MYO18B: variants seen among roughly 807,000 people sequenced by gnomAD.
MYO18B encodes myosin XVIIIB.
MYO18B carries 204 observed loss-of-function variants against 273.0 expected under a neutral mutation model. That is an observed-to-expected ratio of 0.75 (90% CI 0.67 to 0.84). The LOEUF is 0.84. MYO18B is among the 40% of genes least tolerant of loss of function. MYO18B has a pLI of 0.00. For synonymous variants in MYO18B, 1,330 were observed against 1,305.7 expected (o/e 1.02, Z -0.40); for missense variants, 3,212 against 3,287.6 (o/e 0.98, Z 0.56).
At chr22:26,009,676 A>G (rs1231818882) in intron 42 of MYO18B, among the ~76,000 whole-genome samples, 1 of 152,064 alleles carries the variant, frequency 6.6e-6, no homozygotes, top group Non-Finnish European at 1.5e-5. Context: ...ATGGAACTCT[A>G]TCTGCTTGGC....
In MYO18B at chr22:25,761,077, C is replaced by G. The variant is rs748377933; in HGVS notation, c.-16C>G. On this transcript the variant is annotated 5_prime_UTR_variant, in exon 2 of 44. Transcript: ENST00000335473. ...CATCTCATCTCATCATCTCACGGCC[C>G]TGGCACTGCCTCAGCATGGCCATCT... is the stretch of plus-strand genomic sequence containing the variant. 4 of 1,613,408 alleles carry G rather than the reference C, an allele frequency of 2.5e-6. No homozygotes were observed. In the South Asian group the frequency reaches 4.4e-5, roughly 18 times the overall value.
intron 21 of MYO18B, among the ~76,000 whole-genome samples, chr22:25,862,382 T>G (rs183201886): frequency 2.8e-4 from 43 of 152,308 alleles, no homozygotes; most frequent in African/African-American, 9.9e-4. Flanking sequence ...ATGAAGATTT[T>G]TACATTTTCC....
intron 34 of MYO18B, among the ~76,000 whole-genome samples, chr22:25,944,724 G>A (rs1238666026): frequency 1.3e-5 from 2 of 151,986 alleles, no homozygotes; most frequent in South Asian, 4.2e-4. Context: ...GCAGGCGCCT[G>A]TAGTCCCAGC....
intron 42 of MYO18B, among the ~76,000 whole-genome samples, chr22:26,006,748 G>A (rs1490563597): frequency 6.6e-6 from 1 of 152,126 alleles, no homozygotes; most frequent in African/African-American, 2.4e-5. Context: ...AATCATGATT[G>A]TTGTCAGGGG....
chr22:26,049,002 A>G, the MYO18B span, among the ~76,000 whole-genome samples: 1 of 152,194 alleles, frequency 6.6e-6, no homozygotes, highest in African/African-American at 2.4e-5. Context: ...CTGTGCAACA[A>G]ACTCCCATGA....
chr22:25,968,277 GC>G (rs2093000111), intron 39 of MYO18B, among the ~76,000 whole-genome samples: 1 of 152,194 alleles, frequency 6.6e-6, no homozygotes, highest in South Asian at 2.1e-4. Context: ...TGGGGTACAT[GC>G]CCAGCCCTGA....
chr22:26,058,140 C>G, the MYO18B span, among the ~76,000 whole-genome samples: 114 of 152,294 alleles, frequency 7.5e-4, 1 homozygote, highest in African/African-American at 2.6e-3. Context: ...AATGCTATCA[C>G]TTTCAGAAAA....
chr22:25,985,876 C>T (rs2093196941), intron 39 of MYO18B, among the ~76,000 whole-genome samples: 1 of 152,156 alleles, frequency 6.6e-6, no homozygotes, highest in Admixed American at 6.5e-5. Flanking sequence ...AAATGATCCA[C>T]CCTCCTCGGC....
Position 25,891,389 on chromosome 22 carries a change from T to C in MYO18B, c.4520T>C (p.Leu1507Ser), listed in dbSNP as rs1406981300. 1 of 1,582,788 alleles carries C rather than the reference T, an allele frequency of 6.3e-7. No homozygotes were observed. The highest frequency in any genetic ancestry group is 8.6e-7 in the Non-Finnish European group (1 of 1,164,070). The stretch of plus-strand genomic sequence containing the variant: ...CAGCAGAAAATTCAGTTGAATGACT[T>C]GGAAAGGAATCCCACTGGAGGAGGT... ...EAQQKIQLND[L>S]ERNPTGGADE... The change falls in exon 27 of 44, where the codon TTG becomes TCG. Residue 1507 changes from leucine (L) to serine (S), a missense_variant. Coordinates refer to ENST00000335473, the MANE Select transcript of MYO18B (RefSeq NM_032608.7).
At chr22:25,796,789 G>A (rs1180220463) in intron 11 of MYO18B, among the ~76,000 whole-genome samples, 1 of 152,138 alleles carries the variant, frequency 6.6e-6, no homozygotes, top group African/African-American at 2.4e-5. Flanking sequence ...CAGGAATATC[G>A]TGGGGGCACG....
At position 25,823,643 on chromosome 22, in the gene MYO18B, G is replaced by A; in HGVS notation, c.2660G>A (p.Ser887Asn). The A allele has an allele frequency of 6.2e-7, 1 of 1,613,990 alleles. No homozygotes were observed. The highest frequency in any genetic ancestry group is 8.5e-7 in the Non-Finnish European group (1 of 1,179,884). ...ATCCAGCAAATGACGTTTGGGCCAA[G>A]CCGATGGGGCCTCGAGGATGAGGAA... is the stretch of plus-strand genomic sequence containing the variant. ...QIIQQMTFGP[S>N]RWGLEDEETS... is the part of the protein sequence containing the mutation. The change falls in exon 13 of 44, where the codon AGC becomes AAC. Residue 887 changes from serine (S) to asparagine (N), a missense_variant. Coordinates refer to ENST00000335473, the MANE Select transcript of MYO18B (RefSeq NM_032608.7).
intron 31 of MYO18B, among the ~76,000 whole-genome samples, chr22:25,904,606 C>T (rs1006635712): frequency 6.6e-6 from 1 of 152,246 alleles, no homozygotes. Flanking sequence ...GGGAATAAGA[C>T]AAAAATATCA....
intron 39 of MYO18B, among the ~76,000 whole-genome samples, chr22:25,968,346 T>A (rs1336448783): frequency 6.6e-6 from 1 of 152,090 alleles, no homozygotes; most frequent in Non-Finnish European, 1.5e-5. Context: ...GAAGAATAGA[T>A]TCCCCCAAGG....
chr22:25,891,372 A>G lies in MYO18B; in HGVS notation c.4503A>G (p.Lys1501=). 1.9e-6 allele frequency: 3 copies of G among 1,585,654 alleles called. No homozygotes were observed. Among genetic ancestry groups the G allele is most frequent in the Non-Finnish European group, 2.6e-6 (3 of 1,165,734 alleles). ...AACAGTTGGAAGAAGCCCAGCAGAAAATTCAGTTGAATGACTTGGAAAGGA... is the reference window on the plus strand; with the variant it reads ...AACAGTTGGAAGAAGCCCAGCAGAAGATTCAGTTGAATGACTTGGAAAGGA... The part of the protein sequence containing the change: ...VNKQLEEAQQ[K]IQLNDLERNP... The change falls in exon 27 of 44, where the codon AAA becomes AAG. Residue 1501 remains lysine, a synonymous_variant. Coordinates refer to ENST00000335473, the MANE Select transcript of MYO18B (RefSeq NM_032608.7).
intron 36 of MYO18B, among the ~76,000 whole-genome samples, chr22:25,948,128 ACTTTTCCAC>A (rs545992351): frequency 1.3e-5 from 2 of 152,040 alleles, no homozygotes; most frequent in South Asian, 2.1e-4. Flanking sequence ...TCACCCATTC[ACTTTTCCAC>A]CCATCTACTC....
intron 42 of MYO18B, among the ~76,000 whole-genome samples, chr22:26,005,652 A>G (rs1934357001): frequency 6.6e-6 from 1 of 152,204 alleles, no homozygotes; most frequent in African/African-American, 2.4e-5. Flanking sequence ...TAAGATATGC[A>G]TAATTAAGAT....
At chr22:25,955,410 A>G in intron 39 of MYO18B, 46 bp downstream of exon 39, 2 of 1,558,634 alleles carry the variant, frequency 1.3e-6, no homozygotes, top group East Asian at 2.3e-5. Context: ...GAGGGTTTGC[A>G]ATGTGGTAGA....
chr22:25,877,082 C>T (rs17633130), intron 24 of MYO18B: 7,002 of 152,290 alleles, frequency 0.046, 190 homozygotes, highest in African/African-American at 0.07. Flanking sequence ...AAGTGCTGAG[C>T]ACCGTGTCCA....
intron 40 of MYO18B, among the ~76,000 whole-genome samples, chr22:26,001,582 C>T (rs1933951468): frequency 6.6e-6 from 1 of 152,246 alleles, no homozygotes; most frequent in South Asian, 2.1e-4. Flanking sequence ...TCCTTCCTGT[C>T]AACTGTCAGT....
Sources: allele counts gnomAD v4.1 joint callset (sites outside exome capture counted in the v4.1 genomes callset), GRCh38; gene constraint gnomAD v4.1.1; transcripts MANE v1.5; gene names NCBI Gene and HGNC (gene_info 2026-07-23, HGNC 2026-07-21).